The following FCHSD2 variants were observed in gnomAD, a reference collection of about 807,000 sequenced individuals.
FCHSD2 encodes FCH and double SH3 domains 2, also known as F-BAR and double SH3 domains protein 2.
FCHSD2 carries 38 observed loss-of-function variants against 108.1 expected under a neutral mutation model. The observed-to-expected ratio is 0.35, with a 90% CI of 0.27 to 0.46. FCHSD2 has a LOEUF of 0.46. Among genes scored for constraint, FCHSD2 ranks in the 20% least tolerant of loss-of-function variants. The pLI is 1.00. For synonymous variants in FCHSD2, 279 were observed against 314.7 expected, an observed-to-expected ratio of 0.89 and a Z score of 1.20; for missense variants, 751 against 897.8, an observed-to-expected ratio of 0.84 and a Z score of 2.09.
intron 12 of FCHSD2, among the ~76,000 whole-genome samples, chr11:72,883,189 G>C (rs1855125244): frequency 6.6e-6 from 1 of 152,062 alleles, no homozygotes; most frequent in Admixed American, 6.6e-5. Flanking sequence ...GAAATGTTTA[G>C]GACCACAGTC....
chr11:73,086,267 GGCGTGGTGGT>G (rs1178952729), intron 2 of FCHSD2, among the ~76,000 whole-genome samples: 1 of 152,102 alleles, frequency 6.6e-6, no homozygotes, highest in African/African-American at 2.4e-5. Flanking sequence ...AAATTAGCTG[GGCGTGGTGGT>G]GCGTGCCTGT....
At chr11:73,129,273 AACCAGGGGTCCCCAACCCCCAGGCCACGG>A (rs1396213039) in intron 2 of FCHSD2, among the ~76,000 whole-genome samples, 1 of 152,188 alleles carries the variant, frequency 6.6e-6, no homozygotes, top group African/African-American at 2.4e-5. Context: ...CATGTCTCTA[AACCAGGGGTCCCCAACCCCCAGGCCACGG>A]ACCACTAACG....
intron 9 of FCHSD2, among the ~76,000 whole-genome samples, chr11:72,917,402 T>C (rs1855895545): frequency 6.6e-6 from 1 of 152,214 alleles, no homozygotes; most frequent in African/African-American, 2.4e-5. Flanking sequence ...ACCATAGATG[T>C]TCAGGTTTAT....
chr11:72,955,104 C>G (rs1025411), intron 8 of FCHSD2, among the ~76,000 whole-genome samples: 150,863 of 152,208 alleles, frequency 0.99, 74,764 homozygotes, highest in East Asian at 1. Context: ...AGCGTCAGGT[C>G]TCACAGACTG....
chr11:72,923,516 GAACGGTA>G lies in FCHSD2; in HGVS notation c.706-1573_706-1567del, dbSNP rs1312967309. Among the ~76,000 whole-genome samples, 6 of 152,132 alleles carry G rather than the reference GAACGGTA, an allele frequency of 3.9e-5. No homozygotes were observed. In the East Asian group the frequency reaches 5.8e-4, roughly 15 times the overall value. ...TTATGAAAGCCATATTAGTGATTAG[GAACGGTA>G]TATCTTTGTAGTTTTGATTTGCATT... On this transcript the variant is annotated intron_variant, in intron 8 of 19. Coordinates refer to ENST00000409418, the MANE Select transcript of FCHSD2 (RefSeq NM_014824.3).
intron 8 of FCHSD2, among the ~76,000 whole-genome samples, chr11:72,944,632 A>C (rs1347429605): frequency 6.6e-6 from 1 of 152,206 alleles, no homozygotes; most frequent in East Asian, 1.9e-4. Context: ...AGATGACATG[A>C]TTGTATATCT....
At chr11:73,102,954 C>A (rs187823181) in intron 2 of FCHSD2, among the ~76,000 whole-genome samples, 6 of 152,190 alleles carry the variant, frequency 3.9e-5, no homozygotes, top group Admixed American at 2.0e-4. Context: ...ATGGATGAAT[C>A]TCAAAAACAT....
chr11:72,899,366 G>A (rs969104597), intron 10 of FCHSD2, among the ~76,000 whole-genome samples: 3 of 152,122 alleles, frequency 2.0e-5, no homozygotes, highest in African/African-American at 7.2e-5. Context: ...GAAGATATAT[G>A]AGTGGCTAAT....
chr11:72,983,996 T>C, intron 8 of FCHSD2, 92 bp downstream of exon 8: 2 of 998,390 alleles, frequency 2.0e-6, no homozygotes, highest in Non-Finnish European at 3.1e-6. Flanking sequence ...GGCTACTCTT[T>C]TATAGATTCA....
intron 2 of FCHSD2, among the ~76,000 whole-genome samples, chr11:73,093,866 A>G (rs1471557133): frequency 1.3e-5 from 2 of 151,820 alleles, no homozygotes; most frequent in East Asian, 3.9e-4. Context: ...CGGCCTCCCA[A>G]AGTGTTGGGA....
At chr11:73,093,953 G>A (rs1002230361) in intron 2 of FCHSD2, among the ~76,000 whole-genome samples, 4 of 150,552 alleles carry the variant, frequency 2.7e-5, no homozygotes, top group African/African-American at 9.7e-5. Context: ...GCTCATGCCT[G>A]TAATCCCAAT....
At chr11:72,957,863 GAAC>G (rs1856745030) in intron 8 of FCHSD2, among the ~76,000 whole-genome samples, 1 of 152,108 alleles carries the variant, frequency 6.6e-6, no homozygotes, top group Non-Finnish European at 1.5e-5. Flanking sequence ...GGAACAAACA[GAAC>G]AAAATGTTAA....
intron 8 of FCHSD2, among the ~76,000 whole-genome samples, chr11:72,950,582 C>G (rs529655128): frequency 3.9e-4 from 59 of 152,182 alleles, no homozygotes; most frequent in Non-Finnish European, 6.2e-4. Flanking sequence ...TGTTGAAAGA[C>G]TATTCTTTCC....
intron 12 of FCHSD2, 134 bp from the exon 13 acceptor site, chr11:72,868,160 A>G: frequency 1.3e-6 from 1 of 754,056 alleles, no homozygotes; most frequent in East Asian, 2.7e-5. Flanking sequence ...ATGGAATACT[A>G]TGCAGCCATA....
intron 8 of FCHSD2, among the ~76,000 whole-genome samples, chr11:72,983,057 G>A (rs1213297710): frequency 6.6e-6 from 1 of 152,066 alleles, no homozygotes; most frequent in East Asian, 1.9e-4. Flanking sequence ...CACTTTGGGA[G>A]GCTGAGGCGG....
At chr11:72,875,750 C>G (rs1854955324) in intron 12 of FCHSD2, among the ~76,000 whole-genome samples, 1 of 152,186 alleles carries the variant, frequency 6.6e-6, no homozygotes, top group South Asian at 2.1e-4. Context: ...TCCATGTAGT[C>G]CACTCCCACC....
At chr11:72,938,484 T>C (rs1266327452) in intron 8 of FCHSD2, among the ~76,000 whole-genome samples, 2 of 152,276 alleles carry the variant, frequency 1.3e-5, no homozygotes, top group East Asian at 1.9e-4. Context: ...AGAATTTGCC[T>C]TCTATTCTCT....
At chr11:72,914,854 C>A (rs1424902579) in intron 9 of FCHSD2, among the ~76,000 whole-genome samples, 2 of 151,388 alleles carry the variant, frequency 1.3e-5, no homozygotes, top group African/African-American at 4.9e-5. Flanking sequence ...ATGCCAAAAG[C>A]AATTGCAACA....
At chr11:72,905,516 G>T (rs1855610201) in intron 9 of FCHSD2, among the ~76,000 whole-genome samples, 1 of 152,138 alleles carries the variant, frequency 6.6e-6, no homozygotes, top group African/African-American at 2.4e-5. Context: ...GTATACATGT[G>T]CCATGCTGGT....
Sources: gnomAD v4.1 joint callset for allele counts (sites outside exome capture counted in the v4.1 genomes callset) on GRCh38, gnomAD v4.1.1 for gene constraint, MANE v1.5 for transcripts, NCBI Gene and HGNC (gene_info 2026-07-23, HGNC 2026-07-21) for gene names.